TMEM161B: variants seen among roughly 807,000 people sequenced by gnomAD.
TMEM161B encodes transmembrane protein 161B.
TMEM161B carries 34 observed loss-of-function variants against 61.8 expected under a neutral mutation model. The ratio of observed to expected loss-of-function variants is 0.55; its 90% CI spans 0.42 to 0.73. The LOEUF is 0.73. Ranked by LOEUF, TMEM161B falls within the 30% of genes least tolerant of loss-of-function variation. The pLI is 0.00. For synonymous variants in TMEM161B, 167 were observed against 192.8 expected (o/e 0.87, Z 1.11); for missense variants, 456 against 558.5 (o/e 0.82, Z 1.85).
downstream of TMEM161B, among the ~76,000 whole-genome samples, chr5:88,186,048 C>T (rs770166979): frequency 5.9e-5 from 9 of 152,072 alleles, no homozygotes; most frequent in East Asian, 1.9e-4. Context: ...CAAGCAAAAT[C>T]GACACCTATA....
intron 1 of TMEM161B, among the ~76,000 whole-genome samples, chr5:88,262,293 G>T (rs926824802): frequency 6.6e-6 from 1 of 152,130 alleles, no homozygotes; most frequent in Admixed American, 6.6e-5. Context: ...AGAGCAATGG[G>T]AACTCTGATT....
intron 5 of TMEM161B, among the ~76,000 whole-genome samples, chr5:88,208,053 C>CA (rs1207306395): frequency 6.6e-6 from 1 of 151,806 alleles, no homozygotes; most frequent in Non-Finnish European, 1.5e-5. Flanking sequence ...AACAAACAAA[C>CA]AAAAAACAAC....
downstream of TMEM161B, among the ~76,000 whole-genome samples, chr5:88,193,231 G>A (rs1749143527): frequency 6.6e-6 from 1 of 152,076 alleles, no homozygotes; most frequent in East Asian, 1.9e-4. Flanking sequence ...AGCAAGTGGG[G>A]TAGTCGGAAA....
At chr5:88,218,503 G>C (rs1748331952) in intron 5 of TMEM161B, among the ~76,000 whole-genome samples, 1 of 152,110 alleles carries the variant, frequency 6.6e-6, no homozygotes, top group South Asian at 2.1e-4. Context: ...AAAAAAATCA[G>C]ATGGCTGGGC....
At chr5:88,248,714 G>GAAA (rs11286517) in intron 1 of TMEM161B, among the ~76,000 whole-genome samples, 1 of 117,608 alleles carries the variant, frequency 8.5e-6, no homozygotes, top group Non-Finnish European at 1.8e-5. Flanking sequence ...AGTCGACTGA[G>GAAA]AAAAAAAAAA....
intron 5 of TMEM161B, among the ~76,000 whole-genome samples, chr5:88,211,879 C>G (rs1010177757): frequency 4.0e-5 from 6 of 151,320 alleles, no homozygotes; most frequent in Admixed American, 4.0e-4. Flanking sequence ...AGTGGAGGGA[C>G]GGACAGAAGA....
intron 9 of TMEM161B, chr5:88,201,413 G>A (rs1391000895): frequency 6.6e-6 from 1 of 152,022 alleles, no homozygotes; most frequent in Non-Finnish European, 1.5e-5. Context: ...AATAACCTTA[G>A]TCAAATTATT....
At chr5:88,204,921 A>G (rs996155523) in intron 8 of TMEM161B, among the ~76,000 whole-genome samples, 2 of 152,202 alleles carry the variant, frequency 1.3e-5, no homozygotes, top group Admixed American at 1.3e-4. Context: ...TGAAAAGACT[A>G]AAGAATCAGC....
At chr5:88,255,396 A>C (rs1005433957) in intron 1 of TMEM161B, among the ~76,000 whole-genome samples, 2 of 152,142 alleles carry the variant, frequency 1.3e-5, no homozygotes, top group African/African-American at 4.8e-5. Flanking sequence ...GGAAGTAAAA[A>C]ATGGGGGCCT....
intron 9 of TMEM161B, chr5:88,201,998 T>G: frequency 2.7e-6 from 1 of 370,740 alleles, no homozygotes; most frequent in Non-Finnish European, 5.4e-6. Flanking sequence ...CTATTTTAAT[T>G]CTGATGAGGC....
chr5:88,258,684 T>A (rs1015853201), intron 1 of TMEM161B, among the ~76,000 whole-genome samples: 1 of 152,100 alleles, frequency 6.6e-6, no homozygotes, highest in African/African-American at 2.4e-5. Context: ...GTTAATGAAG[T>A]TTTGGCTTCA....
At chr5:88,228,886 C>A (rs956321897) in intron 2 of TMEM161B, among the ~76,000 whole-genome samples, 4 of 152,178 alleles carry the variant, frequency 2.6e-5, no homozygotes, top group South Asian at 4.1e-4. Context: ...TCTACTAATC[C>A]CTCATTTGAA....
intron 5 of TMEM161B, among the ~76,000 whole-genome samples, chr5:88,219,239 GGAAGATGAA>G (rs1748481045): frequency 6.6e-6 from 1 of 152,182 alleles, no homozygotes; most frequent in Non-Finnish European, 1.5e-5. Context: ...CACTATATGT[GGAAGATGAA>G]ATGAATAGAA....
intron 1 of TMEM161B, among the ~76,000 whole-genome samples, chr5:88,250,171 C>CAGAGAGAGAGAAAGAGAGAGAAAGAGAG (rs1754144491): frequency 6.6e-6 from 1 of 151,802 alleles, no homozygotes; most frequent in Non-Finnish European, 1.5e-5. Flanking sequence ...CCAGTTTGCA[C>CAGAGAGAGAGAAAGAGAGAGAAAGAGAG]AGAGAGAGAG....
At chr5:88,224,735 C>G (rs1417511162) in intron 4 of TMEM161B, among the ~76,000 whole-genome samples, 1 of 152,064 alleles carries the variant, frequency 6.6e-6, no homozygotes. Flanking sequence ...GATTCTCTTC[C>G]ACCTCTGCCA....
downstream of TMEM161B, among the ~76,000 whole-genome samples, chr5:88,190,868 T>C (rs1748752005): frequency 6.6e-6 from 1 of 152,238 alleles, no homozygotes; most frequent in African/African-American, 2.4e-5. Flanking sequence ...TAGATTCTTT[T>C]ATGGATTATC....
chr5:88,203,129 A>C, intron 8 of TMEM161B, 54 bp from the exon 9 acceptor site: 1 of 1,112,960 alleles, frequency 9.0e-7, no homozygotes, highest in Non-Finnish European at 1.4e-6. Context: ...CGTGCTAATA[A>C]ACTACAGAAG....
intron 1 of TMEM161B, among the ~76,000 whole-genome samples, chr5:88,268,395 A>G (rs1296358564): frequency 1.3e-5 from 2 of 152,154 alleles, no homozygotes; most frequent in African/African-American, 4.8e-5. Context: ...AGAAGAGGTG[A>G]CTGACCCGGC....
intron 4 of TMEM161B, among the ~76,000 whole-genome samples, chr5:88,223,904 A>T (rs1386094600): frequency 6.6e-6 from 1 of 152,146 alleles, no homozygotes. Flanking sequence ...AAATAAAAAA[A>T]AAAAACAGTC....
Sources: allele counts gnomAD v4.1 joint callset (sites outside exome capture counted in the v4.1 genomes callset), GRCh38; gene constraint gnomAD v4.1.1; transcripts MANE v1.5; gene names NCBI Gene and HGNC (gene_info 2026-07-23, HGNC 2026-07-21).